The following NPHP1 variants were observed in gnomAD, a reference collection of about 807,000 sequenced individuals.
NPHP1 encodes nephrocystin 1.
In NPHP1, 70 loss-of-function variants were observed where a neutral mutation model predicts 90.4. The ratio of observed to expected loss-of-function variants is 0.77; its 90% confidence interval spans 0.64 to 0.95. NPHP1 has a LOEUF of 0.95. Among genes scored for constraint, NPHP1 ranks in the 40% least tolerant of loss-of-function variants. NPHP1 has a pLI of 0.00. For missense variants in NPHP1, 764 were observed against 795.9 expected (o/e 0.96, Z 0.48); for synonymous variants, 256 against 271.7 (o/e 0.94, Z 0.57).
chr2:110,168,385 C>T, intron 6 of NPHP1, 67 bp downstream of exon 6: 1 of 992,772 alleles, frequency 1.0e-6, no homozygotes, highest in Non-Finnish European at 1.6e-6. Flanking sequence ...AAGAACACAG[C>T]TAAATGTTTT....
intron 2 of NPHP1, among the ~76,000 whole-genome samples, chr2:110,188,515 C>T (rs1255629830): frequency 6.6e-6 from 1 of 151,952 alleles, no homozygotes; most frequent in African/African-American, 2.4e-5. Context: ...TCAGAGGTGA[C>T]ACAAAAAAAT....
intron 2 of NPHP1, chr2:110,184,334 C>T: frequency 1.6e-6 from 1 of 612,546 alleles, no homozygotes; most frequent in Non-Finnish European, 3.1e-6. Context: ...GGCAATATGT[C>T]TATTCTAAGG....
At chr2:110,131,374 A>T (rs868550292) in intron 17 of NPHP1, among the ~76,000 whole-genome samples, 6 of 152,286 alleles carry the variant, frequency 3.9e-5, no homozygotes, top group Middle Eastern at 6.8e-3. Flanking sequence ...ACACATGGGA[A>T]AAAACAGATT....
chr2:110,199,615 C>T (rs1228808739), intron 2 of NPHP1, among the ~76,000 whole-genome samples: 1 of 151,584 alleles, frequency 6.6e-6, no homozygotes, highest in Non-Finnish European at 1.5e-5. Flanking sequence ...AGAGTGAGAC[C>T]CCCCACATCC....
intron 2 of NPHP1, among the ~76,000 whole-genome samples, chr2:110,198,203 A>C (rs1315615679): frequency 3.3e-5 from 5 of 152,222 alleles, no homozygotes; most frequent in Admixed American, 3.3e-4. Flanking sequence ...AGAGGGAGAT[A>C]ATCTGCCAGG....
chr2:110,163,092 G>A lies in NPHP1; in HGVS notation c.815C>T (p.Pro272Leu). 1 of 1,613,740 alleles carries A rather than the reference G, an allele frequency of 6.2e-7. No homozygotes were observed. The change falls in exon 9 of 20, where the codon CCT becomes CTT. Residue 272 changes from proline to leucine, a missense_variant. Pro to Leu is a moderately conservative substitution (Grantham distance 98). Transcript: ENST00000445609. ...GAGCGTGGAAGGCCTGAACCCTGCA[G>A]GAATAGCTCCCATCGTAGTTAACAC... ...VDVLTTMGAI[P>L]AGFRPSTLSQ... is the part of the protein sequence containing the mutation.
intron 7 of NPHP1, 115 bp from the exon 8 acceptor site, chr2:110,164,845 T>TCC (rs1682605594): frequency 9.5e-7 from 1 of 1,056,840 alleles, no homozygotes; most frequent in South Asian, 1.3e-5. Context: ...TCTAACAGTT[T>TCC]CCAGATGAAA....
At chr2:110,189,042 A>G (rs1684494800) in intron 2 of NPHP1, among the ~76,000 whole-genome samples, 1 of 152,110 alleles carries the variant, frequency 6.6e-6, no homozygotes, top group African/African-American at 2.4e-5. Flanking sequence ...AACTATAAAA[A>G]CTCTAGAAGA....
intron 2 of NPHP1, among the ~76,000 whole-genome samples, chr2:110,182,480 C>G (rs915770996): frequency 6.6e-6 from 1 of 152,034 alleles, no homozygotes; most frequent in Non-Finnish European, 1.5e-5. Flanking sequence ...GACTGGGGAC[C>G]AATATTCATC....
intron 2 of NPHP1, among the ~76,000 whole-genome samples, chr2:110,183,220 T>C (rs1042240121): frequency 2.0e-5 from 3 of 152,284 alleles, no homozygotes; most frequent in South Asian, 2.1e-4. Context: ...ATGTTCATGA[T>C]GGCCATGATG....
intron 2 of NPHP1, among the ~76,000 whole-genome samples, chr2:110,196,316 C>T (rs1275450936): frequency 6.6e-6 from 1 of 151,926 alleles, no homozygotes; most frequent in Non-Finnish European, 1.5e-5. Context: ...AAGAAAAAAA[C>T]AAACGACGCC....
chr2:110,172,233 T>C (rs1328926157), intron 4 of NPHP1, among the ~76,000 whole-genome samples: 1 of 152,128 alleles, frequency 6.6e-6, no homozygotes, highest in Admixed American at 6.5e-5. Context: ...GTGGAATCTG[T>C]ATTGATTTTT....
chr2:110,184,701 T>C (rs1010578382), intron 2 of NPHP1: 3 of 725,640 alleles, frequency 4.1e-6, no homozygotes, highest in Non-Finnish European at 7.6e-6. Flanking sequence ...CACTCATCCT[T>C]TGAGTTTGAG....
In NPHP1 at chr2:110,123,665, G is replaced by A; in HGVS notation, c.*126C>T. 1 of 897,738 alleles carries A rather than the reference G, an allele frequency of 1.1e-6. No homozygotes were observed. Among genetic ancestry groups the A allele is most frequent in the East Asian group, 2.6e-5 (1 of 38,328 alleles). 55.6% of individuals were successfully genotyped at this position (897,738 alleles called of 1,614,324 possible). A position where few individuals can be genotyped will look rare whatever the true frequency, so the allele number is the denominator to read the frequency against. On this transcript the variant is annotated 3_prime_UTR_variant, in exon 20 of 20. Coordinates refer to ENST00000445609, the MANE Select transcript of NPHP1 (RefSeq NM_001128178.3). ...AAACATTTCTTTAAAAATATGGTCT[G>A]TAGAAAGAAAAGAGTAAAACCTAAG...
At chr2:110,200,637 T>C (rs1190260498) in intron 2 of NPHP1, among the ~76,000 whole-genome samples, 1 of 152,200 alleles carries the variant, frequency 6.6e-6, no homozygotes, top group Non-Finnish European at 1.5e-5. Flanking sequence ...TCCCTTGGCC[T>C]TCAAATTCAG....
chr2:110,195,900 G>T (rs1408937992), intron 2 of NPHP1, among the ~76,000 whole-genome samples: 1 of 152,062 alleles, frequency 6.6e-6, no homozygotes, highest in African/African-American at 2.4e-5. Flanking sequence ...ACAAGAAATG[G>T]GGAAATGATT....
At chr2:110,157,529 T>C (rs987699176) in intron 11 of NPHP1, among the ~76,000 whole-genome samples, 5 of 152,122 alleles carry the variant, frequency 3.3e-5, no homozygotes, top group Non-Finnish European at 5.9e-5. Context: ...ACCAAGCCCA[T>C]GTCAACTCCT....
Position 110,160,195 on chromosome 2 carries a change from G to A in NPHP1, c.1015C>T (p.Pro339Ser), listed in dbSNP as rs1430607153. ...ACCTGTATGCTCATTCCTGGAAGAG[G>A]AATCATTTTACAGCTCCATAATGTC... Reference protein sequence around the residue: ...ILTLWSCKMIPLPGMSIQVLS... With the variant: ...ILTLWSCKMISLPGMSIQVLS... The change falls in exon 11 of 20, where the codon CCT (proline) becomes TCT (serine). Residue 339 changes from proline to serine, a missense_variant. Coordinates refer to ENST00000445609, the MANE Select transcript of NPHP1 (RefSeq NM_001128178.3). 2 of 1,611,934 alleles carry A rather than the reference G, an allele frequency of 1.2e-6. No individual in the cohort carries two copies.
At chr2:110,199,663 A>C (rs1399069949) in intron 2 of NPHP1, among the ~76,000 whole-genome samples, 1 of 152,038 alleles carries the variant, frequency 6.6e-6, no homozygotes, top group Non-Finnish European at 1.5e-5. Flanking sequence ...AAAGAAACAG[A>C]AACTATTAAC....
Sources: allele counts gnomAD v4.1 joint callset (sites outside exome capture counted in the v4.1 genomes callset), GRCh38; gene constraint gnomAD v4.1.1; transcripts MANE v1.5; gene names NCBI Gene and HGNC (gene_info 2026-07-23, HGNC 2026-07-21).